SOX5: variants seen among roughly 807,000 people sequenced by gnomAD.
The protein encoded by SOX5 is SRY-box transcription factor 5.
In SOX5, 9 loss-of-function variants were observed where a neutral mutation model predicts 92.0. That is an observed-to-expected ratio of 0.10 (90% CI 0.06 to 0.17). The LOEUF is 0.17. SOX5 is among the 10% of genes least tolerant of loss of function. The pLI is 1.00. For missense variants in SOX5, 642 were observed against 944.5 expected (o/e 0.68, Z 4.20); for synonymous variants, 344 against 336.3 (o/e 1.02, Z -0.25).
chr12:24,527,947 CTT>C (rs1950855286), intron 1 of SOX5, among the ~76,000 whole-genome samples: 1 of 152,212 alleles, frequency 6.6e-6, no homozygotes, highest in African/African-American at 2.4e-5. Context: ...TTTAAAGTGA[CTT>C]TTCCTTAGAG....
intron 3 of SOX5, among the ~76,000 whole-genome samples, chr12:24,226,392 C>G (rs950172337): frequency 6.6e-6 from 1 of 152,096 alleles, no homozygotes; most frequent in African/African-American, 2.4e-5. Flanking sequence ...TTGAAGTTTT[C>G]TTTAAAATTT....
chr12:24,101,685 C>T (rs1219517791), intron 4 of SOX5, among the ~76,000 whole-genome samples: 1 of 152,118 alleles, frequency 6.6e-6, no homozygotes, highest in East Asian at 1.9e-4. Flanking sequence ...AATATTGACT[C>T]TTTCCTCTGC....
rs144862824 is a variant in SOX5, at chr12:24,005,374, G to A, written c.-1-109350C>T. Among the ~76,000 whole-genome samples the A allele has an allele frequency of 3.0e-3, 449 of 152,060 alleles. 13 individuals are homozygous for A. In the South Asian group the frequency reaches 0.065, roughly 22 times the overall value. ...AGTAAAATAGTCTGATATTTTTCTC[G>A]TTACTAAATATCAAATTCATGGTAA... On this transcript the variant is annotated intron_variant, in intron 4 of 4. Transcript: ENST00000446891.
intron 4 of SOX5, among the ~76,000 whole-genome samples, chr12:24,046,404 A>C (rs1454917154): frequency 6.6e-6 from 1 of 152,182 alleles, no homozygotes; most frequent in Non-Finnish European, 1.5e-5. Flanking sequence ...TTAGGCTTGA[A>C]ATTTAAATTT....
Position 23,534,110 on chromosome 12 carries a change from TTAAAG to T in SOX5, c.*104_*108del. 1.1e-6 allele frequency: 1 copy of T among 897,416 alleles called. No individual in the cohort carries two copies. The highest frequency in any genetic ancestry group is 1.8e-6 in the Non-Finnish European group (1 of 570,142). 55.6% of individuals were successfully genotyped at this position (897,416 alleles called of 1,614,324 possible). A position where few individuals can be genotyped will look rare whatever the true frequency, so the allele number is the denominator to read the frequency against. On this transcript the variant is annotated 3_prime_UTR_variant, in exon 15 of 15. Coordinates refer to ENST00000451604, the MANE Select transcript of SOX5 (RefSeq NM_006940.6). ...TGTCCCAACTATTTAAGACTAACAG[TTAAAG>T]TAACAGTCAGTGTATGAGAAAGTTA...
At chr12:23,888,209 G>T (rs1415410988) in intron 2 of SOX5, among the ~76,000 whole-genome samples, 2 of 152,038 alleles carry the variant, frequency 1.3e-5, no homozygotes, top group East Asian at 1.9e-4. Flanking sequence ...TATTTGAGTT[G>T]AATCTTTCTG....
intron 1 of SOX5, among the ~76,000 whole-genome samples, chr12:24,382,482 G>A (rs973698947): frequency 2.0e-5 from 3 of 152,122 alleles, no homozygotes; most frequent in African/African-American, 7.2e-5. Flanking sequence ...GTGAGGAAAG[G>A]GGGTAAGGGC....
chr12:23,546,559 G>C (rs1034544485), intron 11 of SOX5, 135 bp from the exon 12 acceptor site: 2 of 598,404 alleles, frequency 3.3e-6, no homozygotes, highest in Non-Finnish European at 5.9e-6. Flanking sequence ...TTTACGTTCA[G>C]CACATTAACC....
intron 4 of SOX5, among the ~76,000 whole-genome samples, chr12:24,202,878 T>C (rs1187821862): frequency 6.6e-6 from 1 of 152,210 alleles, no homozygotes; most frequent in African/African-American, 2.4e-5. Flanking sequence ...TGCCAGGTTT[T>C]TCCACTGTAA....
At chr12:24,120,029 T>C (rs952032068) in intron 4 of SOX5, among the ~76,000 whole-genome samples, 1 of 152,214 alleles carries the variant, frequency 6.6e-6, no homozygotes, top group Non-Finnish European at 1.5e-5. Flanking sequence ...TGTATAGTTT[T>C]CCATTTTAAG....
At chr12:24,269,742 G>A (rs1254123778) in intron 3 of SOX5, among the ~76,000 whole-genome samples, 1 of 131,154 alleles carries the variant, frequency 7.6e-6, no homozygotes, top group Non-Finnish European at 1.5e-5. Context: ...CCGCTGGCAC[G>A]AATGCAGCTC....
chr12:24,046,459 AAGCTTATTAAT>A (rs1207460977), intron 4 of SOX5, among the ~76,000 whole-genome samples: 1 of 152,184 alleles, frequency 6.6e-6, no homozygotes, highest in Non-Finnish European at 1.5e-5. Flanking sequence ...AGAATTTACA[AAGCTTATTAAT>A]ATCTGTGATA....
At chr12:24,231,908 A>T (rs1480340804) in intron 3 of SOX5, among the ~76,000 whole-genome samples, 1 of 152,190 alleles carries the variant, frequency 6.6e-6, no homozygotes, top group East Asian at 1.9e-4. Flanking sequence ...GACTGTCCTG[A>T]ACTGTTCCTA....
intron 4 of SOX5, among the ~76,000 whole-genome samples, chr12:24,171,138 ATT>A (rs71059984): frequency 0.035 from 2,966 of 85,128 alleles, 52 homozygotes; most frequent in South Asian, 0.1. Context: ...CCCAAGATCT[ATT>A]TTTTTTTTTT....
At chr12:23,578,065 G>T (rs1423805318) in intron 9 of SOX5, among the ~76,000 whole-genome samples, 1 of 131,636 alleles carries the variant, frequency 7.6e-6, no homozygotes, top group Non-Finnish European at 1.5e-5. Flanking sequence ...AGGCTGCAGT[G>T]AGTTAGATCG....
At chr12:23,576,687 A>T (rs551244346) in intron 9 of SOX5, among the ~76,000 whole-genome samples, 4 of 152,294 alleles carry the variant, frequency 2.6e-5, no homozygotes, top group African/African-American at 9.6e-5. Context: ...AGGTAATTTC[A>T]TACATGAGAC....
At chr12:24,488,914 A>G (rs1245216743) in intron 1 of SOX5, among the ~76,000 whole-genome samples, 4 of 152,200 alleles carry the variant, frequency 2.6e-5, no homozygotes, top group Non-Finnish European at 4.4e-5. Flanking sequence ...CAAGGATTCT[A>G]TATTTTTAAA....
chr12:24,327,750 A>ACT (rs1011659619), intron 2 of SOX5, among the ~76,000 whole-genome samples: 2 of 151,772 alleles, frequency 1.3e-5, no homozygotes, highest in East Asian at 1.9e-4. Flanking sequence ...CGCCCGGCTA[A>ACT]TTTTTTTATG....
chr12:23,805,444 T>A (rs1052450823), intron 3 of SOX5, among the ~76,000 whole-genome samples: 3 of 152,012 alleles, frequency 2.0e-5, no homozygotes, highest in African/African-American at 7.2e-5. Context: ...AAAAAAAACA[T>A]ATGCTCAATA....
Sources: allele counts gnomAD v4.1 joint callset (sites outside exome capture counted in the v4.1 genomes callset), GRCh38; gene constraint gnomAD v4.1.1; transcripts MANE v1.5; gene names NCBI Gene and HGNC (gene_info 2026-07-23, HGNC 2026-07-21).